Variants in DCAF6 observed in about 807,000 individuals in gnomAD.
The protein encoded by DCAF6 is DDB1 and CUL4 associated factor 6.
In DCAF6, 54 loss-of-function variants were observed where a neutral mutation model predicts 125.1. That is an observed-to-expected ratio of 0.43 (90% CI 0.35 to 0.54). The LOEUF is 0.54. Ranked by LOEUF, DCAF6 falls within the 20% of genes least tolerant of loss-of-function variation. The probability of loss-of-function intolerance (pLI) is 0.01; values close to 1 mark genes in which losing one functional copy is unlikely to be tolerated. For missense variants in DCAF6, 934 were observed against 1,161.7 expected, an observed-to-expected ratio of 0.80 and a Z score of 2.85; for synonymous variants, 371 against 390.4, an observed-to-expected ratio of 0.95 and a Z score of 0.58.
chr1:167,898,775 C>T, the DCAF6 span, among the ~76,000 whole-genome samples: 1 of 152,188 alleles, frequency 6.6e-6, no homozygotes, highest in East Asian at 1.9e-4. Flanking sequence ...AGCATCTGCA[C>T]GGATTCTCTG....
At chr1:167,868,991 A>G in the DCAF6 span, among the ~76,000 whole-genome samples, 1 of 152,224 alleles carries the variant, frequency 6.6e-6, no homozygotes, top group African/African-American at 2.4e-5. Context: ...GACTACTTCT[A>G]GCAGCTGAAA....
chr1:168,035,203 T>C (rs568862778), intron 12 of DCAF6, among the ~76,000 whole-genome samples: 1 of 152,284 alleles, frequency 6.6e-6, no homozygotes, highest in East Asian at 1.9e-4. Context: ...CCCAGCACTT[T>C]GAGAGGCCAA....
intron 10 of DCAF6, among the ~76,000 whole-genome samples, chr1:168,007,987 T>C (rs1273803308): frequency 2.1e-5 from 3 of 143,568 alleles, no homozygotes; most frequent in Non-Finnish European, 3.0e-5. Flanking sequence ...TTTTTTTTTT[T>C]TTAAAGACAG....
intron 1 of DCAF6, among the ~76,000 whole-genome samples, chr1:167,942,043 A>G (rs1202354146): frequency 1.3e-5 from 2 of 152,052 alleles, no homozygotes; most frequent in African/African-American, 4.8e-5. Flanking sequence ...GTGTAGAAAT[A>G]TATCATTGTT....
chr1:168,029,545 A>G (rs539859015), intron 12 of DCAF6, among the ~76,000 whole-genome samples: 2 of 152,344 alleles, frequency 1.3e-5, no homozygotes, highest in East Asian at 3.9e-4. Flanking sequence ...GACACTTAAT[A>G]CCACATTTTC....
intron 1 of DCAF6, among the ~76,000 whole-genome samples, chr1:167,951,541 C>T (rs147678973): frequency 3.9e-3 from 587 of 152,264 alleles, no homozygotes; most frequent in Non-Finnish European, 7.0e-3. Context: ...TGCCACTGCA[C>T]TCCAGCCTGG....
the DCAF6 span, chr1:167,918,342 T>G: frequency 6.4e-7 from 1 of 1,566,266 alleles, no homozygotes; most frequent in Non-Finnish European, 8.8e-7. Flanking sequence ...TGCTTTAGCT[T>G]TTAGTTCTTG....
At chr1:167,933,655 C>T (rs145441246), upstream of DCAF6, among the ~76,000 whole-genome samples, 854 of 152,232 alleles carry the variant, frequency 5.6e-3, 8 homozygotes, top group African/African-American at 0.019. Flanking sequence ...TACTGTTAGG[C>T]AAAATAGTAT....
intron 12 of DCAF6, among the ~76,000 whole-genome samples, chr1:168,031,330 C>T (rs373921890): frequency 6.6e-4 from 101 of 152,200 alleles, no homozygotes; most frequent in African/African-American, 2.3e-3. Flanking sequence ...CATAGAACAG[C>T]GTGGTGTCTT....
At chr1:167,865,154 G>A in the DCAF6 span, among the ~76,000 whole-genome samples, 3 of 152,186 alleles carry the variant, frequency 2.0e-5, no homozygotes, top group South Asian at 6.2e-4. Context: ...TTATGTGCAA[G>A]GTGCATAAGA....
At chr1:167,880,495 T>C in the DCAF6 span, 1 of 1,611,890 alleles carries the variant, frequency 6.2e-7, no homozygotes, top group Non-Finnish European at 8.5e-7. Flanking sequence ...ACTCACTGGA[T>C]TTTGTGGACT....
the DCAF6 span, among the ~76,000 whole-genome samples, chr1:167,916,129 C>CTAAG: frequency 1.3e-5 from 2 of 152,220 alleles, no homozygotes; most frequent in African/African-American, 4.8e-5. Flanking sequence ...TATATTCTTA[C>CTAAG]TAAGTCTTTG....
chr1:167,920,725 G>GT, the DCAF6 span: 1 of 1,222,210 alleles, frequency 8.2e-7, no homozygotes, highest in Non-Finnish European at 1.1e-6. Context: ...TGAGATTTCC[G>GT]TAAGTTAGCA....
chr1:167,901,717 A>G, the DCAF6 span: 2 of 1,614,188 alleles, frequency 1.2e-6, no homozygotes, highest in Admixed American at 1.7e-5. Context: ...CAAACAATCC[A>G]TGGATCTCCA....
At chr1:167,979,595 C>A (rs1678790410) in intron 4 of DCAF6, among the ~76,000 whole-genome samples, 1 of 152,026 alleles carries the variant, frequency 6.6e-6, no homozygotes, top group Non-Finnish European at 1.5e-5. Flanking sequence ...TTTCTTTATT[C>A]ATTTATCTAG....
upstream of DCAF6, chr1:167,935,866 C>T (rs1671142637): frequency 1.3e-6 from 2 of 1,524,230 alleles, no homozygotes; most frequent in African/African-American, 2.8e-5. Flanking sequence ...CGTTGGCAGC[C>T]GGGTGGGAGC....
intron 1 of DCAF6, among the ~76,000 whole-genome samples, chr1:167,940,928 G>T (rs907502128): frequency 6.6e-6 from 1 of 152,088 alleles, no homozygotes. Context: ...CTTTTTGTAA[G>T]GAGTTTATGA....
intron 10 of DCAF6, among the ~76,000 whole-genome samples, chr1:168,008,527 T>G (rs1394992832): frequency 2.0e-5 from 3 of 152,166 alleles, no homozygotes; most frequent in Non-Finnish European, 4.4e-5. Flanking sequence ...GTACCTACTG[T>G]TGTTCCATTA....
chr1:167,965,364 TTC>T (rs1410722592), intron 2 of DCAF6, among the ~76,000 whole-genome samples: 1 of 152,172 alleles, frequency 6.6e-6, no homozygotes, highest in African/African-American at 2.4e-5. Context: ...AATTGGGTAT[TTC>T]TGTTTGTCTA....
Sources: allele counts gnomAD v4.1 joint callset (sites outside exome capture counted in the v4.1 genomes callset), GRCh38; gene constraint gnomAD v4.1.1; transcripts MANE v1.5; gene names NCBI Gene and HGNC (gene_info 2026-07-23, HGNC 2026-07-21).